The following STK3 variants were observed in gnomAD, a reference collection of about 807,000 sequenced individuals.
STK3 encodes the protein serine/threonine kinase 3.
STK3 carries 41 observed loss-of-function variants against 58.0 expected under a neutral mutation model. The observed-to-expected ratio is 0.71, with a 90% CI of 0.55 to 0.92. The LOEUF (loss-of-function observed/expected upper bound fraction) is 0.92. STK3 is among the 40% of genes least tolerant of loss of function. The probability of loss-of-function intolerance (pLI) is 0.00; values close to 1 mark genes in which losing one functional copy is unlikely to be tolerated. For synonymous variants in STK3, 170 were observed against 191.0 expected, an observed-to-expected ratio of 0.89 and a Z score of 0.91; for missense variants, 479 against 602.7, an observed-to-expected ratio of 0.79 and a Z score of 2.15.
At chr8:98,848,277 C>T (rs539939553) in intron 3 of STK3, among the ~76,000 whole-genome samples, 18 of 149,544 alleles carry the variant, frequency 1.2e-4, no homozygotes, top group African/African-American at 3.4e-4. Context: ...GACAGAGTTT[C>T]GCTCTTGTTG....
chr8:98,816,513 AAAACAAAC>A (rs770278054), intron 1 of STK3, among the ~76,000 whole-genome samples: 10 of 152,150 alleles, frequency 6.6e-5, no homozygotes, highest in Middle Eastern at 3.4e-3. Flanking sequence ...CCTGTCTCAA[AAAACAAAC>A]AAACAAACAA....
intron 8 of STK3, among the ~76,000 whole-genome samples, chr8:98,564,129 A>G (rs1235178080): frequency 2.0e-5 from 3 of 152,102 alleles, no homozygotes; most frequent in Admixed American, 6.6e-5. Context: ...TGAGACTTAT[A>G]TTTATCTCTG....
intron 6 of STK3, among the ~76,000 whole-genome samples, chr8:98,625,283 G>T (rs1386247843): frequency 6.6e-6 from 1 of 151,844 alleles, no homozygotes; most frequent in African/African-American, 2.4e-5. Context: ...CCCTCTCTCC[G>T]ACAACACACA....
At chr8:98,896,951 C>T (rs1483516834) in intron 1 of STK3, among the ~76,000 whole-genome samples, 1 of 151,778 alleles carries the variant, frequency 6.6e-6, no homozygotes, top group African/African-American at 2.4e-5. Context: ...TGCTCTTCAG[C>T]ATGGGCGACA....
At chr8:98,423,354 A>G (rs1818193999) in intron 3 of STK3, among the ~76,000 whole-genome samples, 1 of 152,266 alleles carries the variant, frequency 6.6e-6, no homozygotes, top group Admixed American at 6.5e-5. Context: ...CATGCCAAGC[A>G]GGGAGTGTGG....
At chr8:98,816,111 A>G (rs1388665459) in intron 1 of STK3, among the ~76,000 whole-genome samples, 1 of 152,162 alleles carries the variant, frequency 6.6e-6, no homozygotes, top group African/African-American at 2.4e-5. Context: ...TATATTAAGC[A>G]ATCAGCAAAA....
At chr8:98,578,636 A>AT (rs1161741408) in intron 8 of STK3, among the ~76,000 whole-genome samples, 5 of 152,242 alleles carry the variant, frequency 3.3e-5, no homozygotes, top group Non-Finnish European at 7.3e-5. Context: ...AAATAATTCC[A>AT]TTTGTATACA....
chr8:98,695,098 C>T (rs1406435591), intron 6 of STK3, among the ~76,000 whole-genome samples: 3 of 152,176 alleles, frequency 2.0e-5, no homozygotes, highest in African/African-American at 4.8e-5. Context: ...TCTCTGATGG[C>T]CAGTGATGGT....
intron 1 of STK3, among the ~76,000 whole-genome samples, chr8:98,383,095 G>A (rs549399126): frequency 2.6e-5 from 4 of 152,190 alleles, no homozygotes; most frequent in African/African-American, 7.2e-5. Flanking sequence ...TACTTGCTTC[G>A]AAGGGTTAGA....
intron 10 of STK3, among the ~76,000 whole-genome samples, chr8:98,465,362 T>C (rs1820384703): frequency 1.3e-5 from 2 of 152,086 alleles, no homozygotes; most frequent in South Asian, 4.2e-4. Flanking sequence ...CACTACAAAA[T>C]CCAATGATCA....
intron 3 of STK3, among the ~76,000 whole-genome samples, chr8:98,876,268 C>T (rs1837556813): frequency 6.6e-6 from 1 of 152,118 alleles, no homozygotes; most frequent in Admixed American, 6.6e-5. Context: ...TTAATGACAC[C>T]AGAAAACAAA....
intron 2 of STK3, among the ~76,000 whole-genome samples, chr8:98,378,474 G>A (rs1817698034): frequency 6.6e-6 from 1 of 152,212 alleles, no homozygotes; most frequent in African/African-American, 2.4e-5. Flanking sequence ...CTTACTGTCT[G>A]TGTGACTTGG....
chr8:98,887,813 A>C (rs924560863), intron 1 of STK3, among the ~76,000 whole-genome samples: 5 of 152,200 alleles, frequency 3.3e-5, no homozygotes, highest in Non-Finnish European at 7.3e-5. Flanking sequence ...GGCCACTAAG[A>C]AGACCTGTTA....
intron 6 of STK3, among the ~76,000 whole-genome samples, chr8:98,605,726 C>T (rs749989953): frequency 1.4e-4 from 21 of 152,140 alleles, no homozygotes; most frequent in Admixed American, 5.9e-4. Context: ...TCTGTGTCCC[C>T]GCTTAAATCT....
chr8:98,735,934 GT>G (rs1828547301), intron 4 of STK3, among the ~76,000 whole-genome samples: 1 of 151,976 alleles, frequency 6.6e-6, no homozygotes, highest in Non-Finnish European at 1.5e-5. Context: ...CAGATAATTT[GT>G]TTTATGACTT....
At chr8:98,625,288 CACACACAT>C (rs1176184598) in intron 6 of STK3, among the ~76,000 whole-genome samples, 2 of 152,164 alleles carry the variant, frequency 1.3e-5, no homozygotes, top group Admixed American at 6.5e-5. Context: ...TCTCCGACAA[CACACACAT>C]ACACACATAC....
At chr8:98,485,335 C>T (rs1418380238) in intron 10 of STK3, among the ~76,000 whole-genome samples, 2 of 152,158 alleles carry the variant, frequency 1.3e-5, no homozygotes, top group Non-Finnish European at 2.9e-5. Context: ...TATCTAGAAC[C>T]ATTACTGTTG....
chr8:98,778,504 G>A lies in STK3; in HGVS notation c.27-3685C>T, dbSNP rs1268976905. ...TCAGGGATCTAGAACTAGAAATACC[G>A]TTTGACCCAGCCATCCCATTACTGG... On this transcript the variant is annotated intron_variant, in intron 1 of 10. Transcript: ENST00000419617. 7.4e-3 allele frequency among the ~76,000 whole-genome samples: 1,126 copies of A among 151,714 alleles called. 8 individuals carry two copies. Among genetic ancestry groups the A allele is most frequent in the African/African-American group, 0.025 (1,043 of 41,134 alleles).
chr8:98,390,300 T>C (rs1222099574), upstream of STK3, among the ~76,000 whole-genome samples: 2 of 152,352 alleles, frequency 1.3e-5, no homozygotes, highest in Non-Finnish European at 2.9e-5. Flanking sequence ...TCATTGGATA[T>C]AGAATTCTGG....
Sources: gnomAD v4.1 joint callset for allele counts (sites outside exome capture counted in the v4.1 genomes callset) on GRCh38, gnomAD v4.1.1 for gene constraint, MANE v1.5 for transcripts, NCBI Gene and HGNC (gene_info 2026-07-23, HGNC 2026-07-21) for gene names.